Variants in KCNQ1 observed in about 807,000 individuals in gnomAD.
The protein encoded by KCNQ1 is potassium voltage-gated channel subfamily KQT member 1.
Under a neutral mutation model 72.4 loss-of-function variants are expected in KCNQ1, and 49 were observed. The ratio of observed to expected loss-of-function variants is 0.68; its 90% confidence interval spans 0.54 to 0.86. The LOEUF (loss-of-function observed/expected upper bound fraction) is 0.86, where lower values mean the gene tolerates loss of function less well. KCNQ1 is among the 40% of genes least tolerant of loss of function. The probability of loss-of-function intolerance (pLI) is 0.00; values close to 1 mark genes in which losing one functional copy is unlikely to be tolerated. For synonymous variants in KCNQ1, 450 were observed against 412.6 expected, an observed-to-expected ratio of 1.09 and a Z score of -1.10; for missense variants, 790 against 945.1, an observed-to-expected ratio of 0.84 and a Z score of 2.15.
chr11:2,756,334 A>C (rs1218020201), intron 11 of KCNQ1, among the ~76,000 whole-genome samples: 3 of 152,076 alleles, frequency 2.0e-5, no homozygotes, highest in Non-Finnish European at 4.4e-5. Context: ...ATTTTAAACT[A>C]ATTAAAGCAA....
chr11:2,610,865 C>A (rs1848970151), intron 10 of KCNQ1: 5 of 398,062 alleles, frequency 1.3e-5, no homozygotes, highest in Non-Finnish European at 2.2e-5. Context: ...AAGCAGAGTG[C>A]CACATAGCCT....
At chr11:2,777,682 G>T in intron 14 of KCNQ1, 1 of 602,192 alleles carries the variant, frequency 1.7e-6, no homozygotes. Flanking sequence ...AATGGCATGG[G>T]CTTGCACAGC....
rs1053822463 is a variant in KCNQ1, at chr11:2,723,653, G to C, written c.1515-45191G>C. 6.6e-6 allele frequency among the ~76,000 whole-genome samples: 1 copy of C among 152,218 alleles called. No individual in the cohort carries two copies. The highest frequency in any genetic ancestry group is 2.4e-5 in the African/African-American group (1 of 41,462). ...CAGCCTCGAATCCCTCACACCTAGC[G>C]GTTGGCTGGGCAGGTGGACTGGTCC... On this transcript the variant is annotated intron_variant, in intron 11 of 15. Transcript: ENST00000155840. This position sits in a 1 kb window ranked among gnomAD's most constrained non-coding sequence, Gnocchi z 4.2.
chr11:2,558,156 C>G (rs1221489080), intron 2 of KCNQ1, among the ~76,000 whole-genome samples: 2 of 152,214 alleles, frequency 1.3e-5, no homozygotes, highest in African/African-American at 4.8e-5. Context: ...GCTGCCTGCC[C>G]CAGCCCCTAC....
At chr11:2,804,554 G>A (rs1847335987) in intron 15 of KCNQ1, among the ~76,000 whole-genome samples, 1 of 152,248 alleles carries the variant, frequency 6.6e-6, no homozygotes, top group African/African-American at 2.4e-5. Context: ...TTTGTGGAGA[G>A]CATCACTGAA....
intron 10 of KCNQ1, chr11:2,648,981 C>CTTTTTTTTTTTTTTTTTTTTTTTCT: frequency 4.7e-6 from 1 of 213,306 alleles, no homozygotes; most frequent in Non-Finnish European, 7.8e-6. Context: ...TTTTCTTTTT[C>CTTTTTTTTTTTTTTTTTTTTTTTCT]TTTTTTTTTT....
chr11:2,634,833 C>T (rs1242411982), intron 10 of KCNQ1: 1 of 152,208 alleles, frequency 6.6e-6, no homozygotes, highest in South Asian at 2.1e-4. Context: ...ACATCTTCTC[C>T]AGCACCTGTT....
rs1847944000 is a variant in KCNQ1, at chr11:2,549,296, CAT to C, written c.477+21279_477+21280del. On this transcript the variant is annotated intron_variant, in intron 2 of 15. Transcript: ENST00000155840. This position sits in a 1 kb window ranked among gnomAD's most constrained non-coding sequence, Gnocchi z 6.2. ...GGGGTGGGGCTATGGGGAAGGAAGA[CAT>C]GTGGGCCAGGGTGCGGGGTGCGGGA... Among the ~76,000 whole-genome samples the C allele has an allele frequency of 1.3e-5, 2 of 152,156 alleles. No homozygotes were observed. Among genetic ancestry groups the C allele is most frequent in the Non-Finnish European group, 2.9e-5 (2 of 68,006 alleles).
At chr11:2,638,062 C>G (rs1348944279) in intron 10 of KCNQ1, 1 of 152,126 alleles carries the variant, frequency 6.6e-6, no homozygotes, top group East Asian at 1.9e-4. Flanking sequence ...TATTTTGAGC[C>G]TATGTGTGTC....
chr11:2,844,079 G>A (rs1848268060), intron 15 of KCNQ1, among the ~76,000 whole-genome samples: 1 of 152,212 alleles, frequency 6.6e-6, no homozygotes, highest in African/African-American at 2.4e-5. Context: ...CCTCGGCCAT[G>A]GGAGGTGCTT....
chr11:2,779,848 T>G (rs937540220), intron 15 of KCNQ1, among the ~76,000 whole-genome samples: 3 of 152,220 alleles, frequency 2.0e-5, no homozygotes, highest in Non-Finnish European at 4.4e-5. Context: ...GGGCCAGCGC[T>G]GGCCTTGAAG....
rs1846889524 is a variant in KCNQ1 at position 2,785,216 on chromosome 11, T to C, written c.1794+7179T>C. Among the ~76,000 whole-genome samples, 1 of 152,026 alleles carries C rather than the reference T, an allele frequency of 6.6e-6. No individual in the cohort carries two copies. The highest frequency in any genetic ancestry group is 2.4e-5 in the African/African-American group (1 of 41,468). Reference sequence around the variant, plus strand: ...CATTATGAATGGATATTGGATTTTGTCAAATGCTCTTTCTGTGTCTAGTGA... The same window carrying C: ...CATTATGAATGGATATTGGATTTTGCCAAATGCTCTTTCTGTGTCTAGTGA... On this transcript the variant is annotated intron_variant, in intron 15 of 15. Transcript: ENST00000155840. The surrounding 1 kb of genome is among the most constrained non-coding windows in gnomAD (Gnocchi z 4.4).
rs902929332 is a variant in KCNQ1, at chr11:2,678,509, C to G, written c.1514+16428C>G. ...TTTAATTTGTGTCCATTTCTAGACTCTATTCTGGACTGCTGATGGGCCTGT... is the reference window on the plus strand; with the variant it reads ...TTTAATTTGTGTCCATTTCTAGACTGTATTCTGGACTGCTGATGGGCCTGT... On this transcript the variant is annotated intron_variant, in intron 11 of 15. Coordinates refer to ENST00000155840, the MANE Select transcript of KCNQ1 (RefSeq NM_000218.3). The surrounding 1 kb of genome is among the most constrained non-coding windows in gnomAD (Gnocchi z 4.9). The G allele has an allele frequency of 7.5e-6, 3 of 398,476 alleles. No homozygotes were observed. The highest frequency in any genetic ancestry group is 1.3e-5 in the Non-Finnish European group (3 of 226,072). 24.7% of individuals were successfully genotyped at this position (398,476 alleles called of 1,614,324 possible). A position where few individuals can be genotyped will look rare whatever the true frequency, so the allele number is the denominator to read the frequency against.
Position 2,462,348 on chromosome 11 carries a change from C to T in KCNQ1, c.386+16864C>T, listed in dbSNP as rs1846291145. On this transcript the variant is annotated intron_variant, in intron 1 of 15. Transcript: ENST00000155840. The surrounding 1 kb of genome is among the most constrained non-coding windows in gnomAD (Gnocchi z 8.2). The stretch of plus-strand genomic sequence containing the variant: ...GCCACCCCCTCTGACTTGCCTCCTC[C>T]TCCTTCTGACTTGCCTCCTCTCTCT... 6.6e-6 allele frequency among the ~76,000 whole-genome samples: 1 copy of T among 152,210 alleles called. No individual in the cohort carries two copies. The highest frequency in any genetic ancestry group is 6.5e-5 in the Admixed American group (1 of 15,286).
At chr11:2,706,102 T>C (rs1469551086) in intron 11 of KCNQ1, among the ~76,000 whole-genome samples, 3 of 152,174 alleles carry the variant, frequency 2.0e-5, no homozygotes, top group African/African-American at 7.2e-5. Flanking sequence ...TGTGGTGGTT[T>C]TAGTATGTGT....
Position 2,710,858 on chromosome 11 carries a change from T to C in KCNQ1, c.1514+48777T>C, listed in dbSNP as rs1016417834. Among the ~76,000 whole-genome samples, 8 of 152,260 alleles carry C rather than the reference T, an allele frequency of 5.3e-5. No homozygotes were observed. Among genetic ancestry groups the C allele is most frequent in the Admixed American group, 2.6e-4 (4 of 15,288 alleles). ...TGTTTGTCTATCCTTATGCCAGTAC[T>C]ATATCGTCTTGATTGTTATAGCTTT... On this transcript the variant is annotated intron_variant, in intron 11 of 15. Coordinates refer to ENST00000155840, the MANE Select transcript of KCNQ1 (RefSeq NM_000218.3). This position sits in a 1 kb window ranked among gnomAD's most constrained non-coding sequence, Gnocchi z 4.1.
rs989513310 is a variant in KCNQ1 at position 2,750,868 on chromosome 11, G to A, written c.1515-17976G>A. 3.3e-5 allele frequency among the ~76,000 whole-genome samples: 5 copies of A among 152,216 alleles called. No individual in the cohort carries two copies. Among genetic ancestry groups the A allele is most frequent in the Middle Eastern group, 3.4e-3 (1 of 294 alleles). ...AACTTAATGAGGGCTGACAGCCTGC[G>A]ACAAACGTCCTCATAATCTCCCCAG... On this transcript the variant is annotated intron_variant, in intron 11 of 15. Coordinates refer to ENST00000155840, the MANE Select transcript of KCNQ1 (RefSeq NM_000218.3). The surrounding 1 kb of genome is among the most constrained non-coding windows in gnomAD (Gnocchi z 6.3).
rs527507459 is a variant in KCNQ1, at chr11:2,465,945, G to T, written c.386+20461G>T. 3.9e-5 allele frequency among the ~76,000 whole-genome samples: 6 copies of T among 152,320 alleles called. No homozygotes were observed. The South Asian group carries it at 1.2e-3, about 32-fold the overall frequency. ...TCCTGGCTGCACCTGCCGGGCTCAT[G>T]ACCTGCCCTGTCCTTTCCTTGGGGA... On this transcript the variant is annotated intron_variant, in intron 1 of 15. Transcript: ENST00000155840.
At chr11:2,800,805 C>T (rs140389116) in intron 15 of KCNQ1, among the ~76,000 whole-genome samples, 136 of 152,302 alleles carry the variant, frequency 8.9e-4, no homozygotes, top group African/African-American at 3.2e-3. Context: ...GCTGTCCACT[C>T]AGTGACCATC....
Sources: gnomAD v4.1 joint callset for allele counts (sites outside exome capture counted in the v4.1 genomes callset) on GRCh38, gnomAD v4.1.1 for gene constraint, Gnocchi (gnomAD v3.1) non-coding constraint, MANE v1.5 for transcripts, NCBI Gene and HGNC (gene_info 2026-07-23, HGNC 2026-07-21) for gene names.